Variants in ZNF609 observed in about 807,000 individuals in gnomAD.
ZNF609 encodes zinc finger protein 609.
Under a neutral mutation model 109.5 loss-of-function variants are expected in ZNF609, and 11 were observed. That is an observed-to-expected ratio of 0.10 (90% CI 0.06 to 0.17). The LOEUF (loss-of-function observed/expected upper bound fraction) is 0.17. Among genes scored for constraint, ZNF609 ranks in the 10% least tolerant of loss-of-function variants. The pLI, the probability that ZNF609 is intolerant of heterozygous loss-of-function variation, is 1.00. For synonymous variants in ZNF609, 646 were observed against 662.0 expected, an observed-to-expected ratio of 0.98 and a Z score of 0.37; for missense variants, 1,559 against 1,772.4, an observed-to-expected ratio of 0.88 and a Z score of 2.16.
intron 2 of ZNF609, among the ~76,000 whole-genome samples, chr15:64,545,257 G>A (rs1894336704): frequency 6.6e-6 from 1 of 151,880 alleles, no homozygotes; most frequent in African/African-American, 2.4e-5. Flanking sequence ...GGAGTGCAGT[G>A]GCGTGACCTT....
intron 2 of ZNF609, among the ~76,000 whole-genome samples, chr15:64,563,596 G>A (rs188446312): frequency 9.6e-4 from 145 of 151,806 alleles, no homozygotes; most frequent in African/African-American, 3.4e-3. Flanking sequence ...TGACCAACAT[G>A]GAGAAACCCT....
chr15:64,659,614 CAATT>C (rs1272453138), intron 3 of ZNF609, among the ~76,000 whole-genome samples: 1 of 152,036 alleles, frequency 6.6e-6, no homozygotes, highest in African/African-American at 2.4e-5. Flanking sequence ...AGTTTGGTCT[CAATT>C]AAAGAGGGCC....
intron 2 of ZNF609, among the ~76,000 whole-genome samples, chr15:64,576,859 C>T (rs1299198894): frequency 1.3e-4 from 18 of 140,480 alleles, no homozygotes; most frequent in Non-Finnish European, 1.5e-4. Context: ...GAACTGAAGG[C>T]CCATTTTAAG....
rs71133440 is a variant in ZNF609 at position 64,555,095 on chromosome 15, C to CAA, written c.747+54941_747+54942dup. Among the ~76,000 whole-genome samples the CAA allele has an allele frequency of 6.7e-3, 955 of 142,576 alleles. 16 individuals are homozygous for CAA. Among genetic ancestry groups the CAA allele is most frequent in the East Asian group, 0.048 (234 of 4,894 alleles). The allele number at this position is 142,576 out of a possible 152,430, so 93.5% of individuals were successfully genotyped here. A position where few individuals can be genotyped will look rare whatever the true frequency, so the allele number is the denominator to read the frequency against. On this transcript the variant is annotated intron_variant, in intron 2 of 9. Coordinates refer to ENST00000326648, the MANE Select transcript of ZNF609 (RefSeq NM_015042.2). ...TGAGCAACAGAACAAGACACCATCT[C>CAA]AAAAAAAAAAAAAGAATTTTCCACC...
At chr15:64,599,421 T>C (rs1895458473) in intron 2 of ZNF609, among the ~76,000 whole-genome samples, 1 of 152,160 alleles carries the variant, frequency 6.6e-6, no homozygotes, top group South Asian at 2.1e-4. Context: ...CATGTATCAG[T>C]TGCTCAGTAA....
chr15:64,497,387 A>G (rs144108155), intron 1 of ZNF609, among the ~76,000 whole-genome samples: 1 of 152,138 alleles, frequency 6.6e-6, no homozygotes, highest in Non-Finnish European at 1.5e-5. Context: ...GCTAGCAGGC[A>G]TTCACCTGGC....
intron 3 of ZNF609, among the ~76,000 whole-genome samples, chr15:64,668,992 A>G (rs1353994864): frequency 6.7e-6 from 1 of 149,466 alleles, no homozygotes; most frequent in Non-Finnish European, 1.5e-5. Context: ...TTAAAATGCC[A>G]AAAAAAAACC....
At chr15:64,562,762 A>G (rs1443316307) in intron 2 of ZNF609, among the ~76,000 whole-genome samples, 3 of 151,982 alleles carry the variant, frequency 2.0e-5, no homozygotes, top group South Asian at 2.1e-4. Flanking sequence ...ATTAACTCAT[A>G]CATTCATCCC....
At chr15:64,666,090 C>G (rs199498455) in intron 3 of ZNF609, among the ~76,000 whole-genome samples, 1 of 56,988 alleles carries the variant, frequency 1.8e-5, no homozygotes, top group African/African-American at 4.1e-5. Flanking sequence ...AAAAAAAAAA[C>G]ACACACACAC....
chr15:64,589,082 GT>G (rs1426508191), intron 2 of ZNF609, among the ~76,000 whole-genome samples: 2 of 152,182 alleles, frequency 1.3e-5, no homozygotes, highest in African/African-American at 2.4e-5. Flanking sequence ...ACACTAGCTA[GT>G]TCCATTTTAG....
In ZNF609 at chr15:64,518,176, G is replaced by A. The variant is rs368959035; in HGVS notation, c.747+18010G>A. Among the ~76,000 whole-genome samples the A allele has an allele frequency of 5.8e-3, 886 of 152,318 alleles. 92 individuals are homozygous for A. In the South Asian group the frequency reaches 0.18, roughly 30 times the overall value. On this transcript the variant is annotated intron_variant, in intron 2 of 9. Coordinates refer to ENST00000326648, the MANE Select transcript of ZNF609 (RefSeq NM_015042.2). Reference sequence around the variant, plus strand: ...TAACATAGGGTATTGTGGGTGCACAGTGGTGGCCAGAGTATAGTGTAGGAT... The same window carrying A: ...TAACATAGGGTATTGTGGGTGCACAATGGTGGCCAGAGTATAGTGTAGGAT...
At position 64,674,511 on chromosome 15, in the gene ZNF609, G is replaced by C; in HGVS notation, c.1657G>C (p.Val553Leu). The change falls in exon 5 of 10, where the codon GTC becomes CTC. Residue 553 changes from valine (V) to leucine (L), a missense_variant. By Grantham distance (32) the Val-to-Leu change is conservative. Coordinates refer to ENST00000326648, the MANE Select transcript of ZNF609 (RefSeq NM_015042.2). The part of the protein sequence containing the change: ...ADLGSCNGAS[V>L]SQKGSLSPAR... ...TCTTGGGAGCTGCAACGGTGCATCT[G>C]TCTCACAAAAAGGTTCCTTGTCCCC... 1 of 1,614,142 alleles carries C rather than the reference G, an allele frequency of 6.2e-7. No individual in the cohort carries two copies. Among genetic ancestry groups the C allele is most frequent in the Non-Finnish European group, 8.5e-7 (1 of 1,180,026 alleles).
rs539758537 is a variant in ZNF609 at position 64,508,896 on chromosome 15, G to A, written c.747+8730G>A. Among the ~76,000 whole-genome samples, 8 of 152,036 alleles carry A rather than the reference G, an allele frequency of 5.3e-5. No individual in the cohort carries two copies. In the South Asian group the frequency reaches 1.7e-3, roughly 32 times the overall value. ...TTTTTTAGAGACGGGGTCTTACTAT[G>A]TTGTTCAGGCTAGTCTTGAACTCCT... On this transcript the variant is annotated intron_variant, in intron 2 of 9. Transcript: ENST00000326648.
At chr15:64,461,984 G>A (rs980077838) in intron 1 of ZNF609, among the ~76,000 whole-genome samples, 1 of 152,148 alleles carries the variant, frequency 6.6e-6, no homozygotes, top group Non-Finnish European at 1.5e-5. Context: ...TATCGGGAGC[G>A]CTACCCCAGG....
intron 2 of ZNF609, among the ~76,000 whole-genome samples, chr15:64,577,017 C>A (rs1169688606): frequency 2.5e-5 from 3 of 122,054 alleles, no homozygotes; most frequent in Non-Finnish European, 5.0e-5. Flanking sequence ...TGTATGTATA[C>A]ACATAAATAT....
intron 4 of ZNF609, 86 bp downstream of exon 4, chr15:64,670,519 C>T (rs1896710291): frequency 8.8e-7 from 1 of 1,136,024 alleles, no homozygotes; most frequent in Non-Finnish European, 1.3e-6. Flanking sequence ...TAGAGTTGTA[C>T]ATCCAGCTTT....
In ZNF609 at chr15:64,588,707, T is replaced by C. The variant is rs537746248; in HGVS notation, c.748-34120T>C. Among the ~76,000 whole-genome samples the C allele has an allele frequency of 2.0e-5, 3 of 149,952 alleles. No homozygotes were observed. The East Asian group carries it at 6.2e-4, about 31-fold the overall frequency. On this transcript the variant is annotated intron_variant, in intron 2 of 9. Coordinates refer to ENST00000326648, the MANE Select transcript of ZNF609 (RefSeq NM_015042.2). The stretch of plus-strand genomic sequence containing the variant: ...CCTTGTTGCCCAGGCTGGAATGCAA[T>C]GGCAAATGGCAAACTCTGCCTCCAG...
At chr15:64,676,901 A>G (rs56138430) in intron 5 of ZNF609, among the ~76,000 whole-genome samples, 19,658 of 151,332 alleles carry the variant, frequency 0.13, 2,035 homozygotes, top group African/African-American at 0.3. Context: ...TTACAGGTGC[A>G]CGCCACCACA....
intron 2 of ZNF609, among the ~76,000 whole-genome samples, chr15:64,575,993 T>C (rs1390936684): frequency 6.6e-6 from 1 of 152,196 alleles, no homozygotes; most frequent in East Asian, 1.9e-4. Context: ...TCCCAGCTAC[T>C]TGGGAGGCTG....
Sources: allele counts gnomAD v4.1 joint callset (sites outside exome capture counted in the v4.1 genomes callset), GRCh38; gene constraint gnomAD v4.1.1; transcripts MANE v1.5; gene names NCBI Gene and HGNC (gene_info 2026-07-23, HGNC 2026-07-21).